Variants in GOLGA8M observed in about 807,000 individuals in gnomAD.
GOLGA8M encodes the protein golgin A8 family member M.
A neutral mutation model predicts 87.7 loss-of-function variants in GOLGA8M; 34 were observed. The observed-to-expected ratio is 0.39, with a 90% CI of 0.29 to 0.52. GOLGA8M has a LOEUF of 0.52. GOLGA8M is among the 20% of genes least tolerant of loss of function. The probability of loss-of-function intolerance (pLI) is 0.80; values close to 1 mark genes in which losing one functional copy is unlikely to be tolerated. For missense variants in GOLGA8M, 396 were observed against 682.2 expected, an observed-to-expected ratio of 0.58 and a Z score of 4.67; for synonymous variants, 138 against 250.2, an observed-to-expected ratio of 0.55 and a Z score of 4.23.
chr15:28,710,043 A>C (rs1350901067), intron 2 of GOLGA8M, among the ~76,000 whole-genome samples: 1 of 143,774 alleles, frequency 7.0e-6, no homozygotes, highest in Non-Finnish European at 1.5e-5. Context: ...TCATATCCCT[A>C]GCAGAGCAGA....
At chr15:28,704,585 G>T (rs1431498973) in intron 13 of GOLGA8M, among the ~76,000 whole-genome samples, 1 of 148,918 alleles carries the variant, frequency 6.7e-6, no homozygotes, top group African/African-American at 2.5e-5. Context: ...GAGTCTTTTT[G>T]TTTTGTTTTC....
chr15:28,713,317 A>G (rs533162568), upstream of GOLGA8M, among the ~76,000 whole-genome samples: 4 of 151,714 alleles, frequency 2.6e-5, no homozygotes, highest in African/African-American at 9.7e-5. Context: ...AGCCTGGGCT[A>G]CAGAGCAAGA....
chr15:28,702,627 C>G lies in GOLGA8M; in HGVS notation c.1469+18G>C, dbSNP rs1172013531. The G allele has an allele frequency of 1.2e-6, 2 of 1,610,302 alleles. No homozygotes were observed. Among genetic ancestry groups the G allele is most frequent in the Admixed American group, 1.7e-5 (1 of 60,008 alleles). ...CGGTCCTGCAGCTCCCCCTGCCGTGCCCTGGCCTCCCACTCACTGATGGCA... is the reference window on the plus strand; with the variant it reads ...CGGTCCTGCAGCTCCCCCTGCCGTGGCCTGGCCTCCCACTCACTGATGGCA... On this transcript the variant is annotated intron_variant, in intron 16 of 18. Transcript: ENST00000563027.
intron 15 of GOLGA8M, 114 bp downstream of exon 15, chr15:28,703,205 A>G (rs369689978): frequency 0.1 from 87,654 of 876,570 alleles, 8,767 homozygotes; most frequent in Middle Eastern, 0.11. Flanking sequence ...ACTGGCTCTC[A>G]GAAGGGGTGA....
intron 13 of GOLGA8M, 108 bp from the exon 14 acceptor site, chr15:28,704,025 G>C: frequency 6.4e-7 from 1 of 1,551,912 alleles, no homozygotes; most frequent in African/African-American, 1.4e-5. Flanking sequence ...CTTTTGGCAG[G>C]CCATATCGGC....
At chr15:28,707,394 G>A (rs1321736888) in intron 8 of GOLGA8M, among the ~76,000 whole-genome samples, 3 of 143,328 alleles carry the variant, frequency 2.1e-5, no homozygotes, top group African/African-American at 8.0e-5. Flanking sequence ...ACATGCACAC[G>A]TTTCCTCTTT....
At position 28,705,158 on chromosome 15, in the gene GOLGA8M, C is replaced by G; in HGVS notation, c.1200+1G>C. ...GGGGTGGAGGTTTCCGACTCCTTCA[C>G]CTCGCCAAGCTTCTCCTGTAGCTCC... On this transcript the variant is annotated splice_donor_variant, in intron 13 of 18. Coordinates refer to ENST00000563027, the MANE Select transcript of GOLGA8M (RefSeq NM_001282468.3). LOFTEE classifies it high-confidence loss of function. The G allele has an allele frequency of 6.3e-7, 1 of 1,598,420 alleles. No individual in the cohort carries two copies. Among genetic ancestry groups the G allele is most frequent in the Non-Finnish European group, 8.5e-7 (1 of 1,179,764 alleles).
chr15:28,704,216 ACT>A (rs200931220), intron 13 of GOLGA8M, among the ~76,000 whole-genome samples: 14,987 of 139,600 alleles, frequency 0.11, 1,394 homozygotes, highest in East Asian at 0.42. Context: ...GCTGCTGCAG[ACT>A]CTGAGCCTCT....
At chr15:28,706,778 T>C (rs1489683017) in intron 8 of GOLGA8M, 79 bp from the exon 9 acceptor site, 6 of 1,391,940 alleles carry the variant, frequency 4.3e-6, no homozygotes, top group Non-Finnish European at 5.9e-6. Context: ...GGGCTCGGGC[T>C]AGGCCCAATA....
chr15:28,711,438 C>G, intron 1 of GOLGA8M: 1 of 970,862 alleles, frequency 1.0e-6, no homozygotes, highest in Non-Finnish European at 1.2e-6. Context: ...TGGGAGAAAA[C>G]CAAACCAAAC....
In GOLGA8M at chr15:28,702,082, C is replaced by T; in HGVS notation, c.1771G>A (p.Glu591Lys). ...GTAGGCTTGTCAAGGAGAGGATCCT[C>T]CCTGGCCTCTCCTTGGGCAGAGGAG... ...LTSSAQGEAR[E>K]DPLLDKPTAQ... Residue 591 changes from glutamate (E) to lysine (K), a missense_variant, in exon 19 of 19, where the codon GAG (glutamate) becomes AAG (lysine). Physicochemically the swap from Glu to Lys is moderately conservative, Grantham distance 56. Coordinates refer to ENST00000563027, the MANE Select transcript of GOLGA8M (RefSeq NM_001282468.3). 3 of 1,589,980 alleles carry T rather than the reference C, an allele frequency of 1.9e-6. No homozygotes were observed. Among genetic ancestry groups the T allele is most frequent in the Non-Finnish European group, 2.6e-6 (3 of 1,176,264 alleles).
rs1341686306 is a variant in GOLGA8M at position 28,706,162 on chromosome 15, C to A, written c.828G>T (p.Arg276=). The stretch of plus-strand genomic sequence containing the variant: ...ACAAGCTCCTCTCCAGCTTCTCTAC[C>A]CGACGCATATCTTGCTGCTTCTCTT... ...LKKEKQQDMR[R]VEKLERSLSK... is the part of the protein sequence containing the mutation. The change falls in exon 11 of 19, where the codon CGG becomes CGT. Residue 276 remains arginine (R), a synonymous_variant. Coordinates refer to ENST00000563027, the MANE Select transcript of GOLGA8M (RefSeq NM_001282468.3). The A allele has an allele frequency of 1.3e-6, 1 of 783,954 alleles. No individual in the cohort carries two copies. Among genetic ancestry groups the A allele is most frequent in the Admixed American group, 2.2e-5 (1 of 46,040 alleles). 48.6% of individuals were successfully genotyped at this position (783,954 alleles called of 1,614,324 possible).
At chr15:28,702,891 A>C (rs941056235) in intron 15 of GOLGA8M, 146 bp from the exon 16 acceptor site, 3 of 1,535,500 alleles carry the variant, frequency 2.0e-6, no homozygotes, top group Non-Finnish European at 2.6e-6. Context: ...CCCCACTCAC[A>C]GACTCGCCCC....
chr15:28,700,873 C>T lies in GOLGA8M; in HGVS notation c.*1081G>A, dbSNP rs2079768489. 6.6e-6 allele frequency among the ~76,000 whole-genome samples: 1 copy of T among 151,946 alleles called. No individual in the cohort carries two copies. Among genetic ancestry groups the T allele is most frequent in the Non-Finnish European group, 1.5e-5 (1 of 68,020 alleles). On this transcript the variant is annotated 3_prime_UTR_variant, in exon 19 of 19. Transcript: ENST00000563027. The stretch of plus-strand genomic sequence containing the variant: ...CCAGGTGTCACACAGCTTTCCTTCA[C>T]TCTAATTCATTCTTGACTAGAGCCT...
intron 13 of GOLGA8M, 147 bp from the exon 14 acceptor site, chr15:28,704,064 T>C: frequency 6.5e-7 from 1 of 1,534,296 alleles, no homozygotes; most frequent in Non-Finnish European, 8.6e-7. Flanking sequence ...TTCCTGCTAC[T>C]GCAGCTGGTT....
upstream of GOLGA8M, among the ~76,000 whole-genome samples, chr15:28,712,595 T>TCCGCACCCACTC (rs1297220528): frequency 1.3e-5 from 2 of 150,802 alleles, no homozygotes; most frequent in Non-Finnish European, 2.9e-5. Flanking sequence ...GCGACCGCTC[T>TCCGCACCCACTC]CCGCACCCAC....
At position 28,711,742 on chromosome 15, in the gene GOLGA8M, G is replaced by T. The variant is rs1289346949; in HGVS notation, c.48+534C>A. The T allele has an allele frequency of 3.5e-5, 34 of 985,214 alleles. No homozygotes were observed. In the East Asian group the frequency reaches 6.9e-4, roughly 20 times the overall value. 61.0% of individuals were successfully genotyped at this position (985,214 alleles called of 1,614,324 possible). Reference sequence around the variant, plus strand: ...ACAACATTCCACTCCTCCTGGTCGGGGGGAGGGACCATGTCAGCACCATGT... The same window carrying T: ...ACAACATTCCACTCCTCCTGGTCGGTGGGAGGGACCATGTCAGCACCATGT... On this transcript the variant is annotated intron_variant, in intron 1 of 18. Coordinates refer to ENST00000563027, the MANE Select transcript of GOLGA8M (RefSeq NM_001282468.3).
chr15:28,705,434 G>T (rs1318021329), intron 12 of GOLGA8M, 49 bp downstream of exon 12: 2 of 1,532,208 alleles, frequency 1.3e-6, no homozygotes, highest in Admixed American at 3.9e-5. Flanking sequence ...GGAAACAAAG[G>T]CCCGGAGGGC....
upstream of GOLGA8M, among the ~76,000 whole-genome samples, chr15:28,713,280 T>C (rs1426133533): frequency 2.0e-5 from 3 of 151,390 alleles, no homozygotes; most frequent in African/African-American, 4.9e-5. Flanking sequence ...GAGCTTGCAG[T>C]GAGCCAAGAT....
Sources: gnomAD v4.1 joint callset for allele counts (sites outside exome capture counted in the v4.1 genomes callset) on GRCh38, gnomAD v4.1.1 for gene constraint, MANE v1.5 for transcripts, NCBI Gene and HGNC (gene_info 2026-07-23, HGNC 2026-07-21) for gene names.